IGSF21: variants seen among roughly 807,000 people sequenced by gnomAD.
IGSF21 encodes the protein immunoglobulin superfamily member 21.
In IGSF21, 28 loss-of-function variants were observed where a neutral mutation model predicts 46.8. That is an observed-to-expected ratio of 0.60 (90% CI 0.44 to 0.82). The LOEUF is 0.82. Among genes scored for constraint, IGSF21 ranks in the 40% least tolerant of loss-of-function variants. The pLI, the probability that IGSF21 is intolerant of heterozygous loss-of-function variation, is 0.00. For missense variants in IGSF21, 624 were observed against 665.5 expected (o/e 0.94, Z 0.69); for synonymous variants, 284 against 273.6 (o/e 1.04, Z -0.38).
intron 2 of IGSF21, among the ~76,000 whole-genome samples, chr1:18,275,241 G>A (rs1183924392): frequency 6.6e-6 from 1 of 152,198 alleles, no homozygotes; most frequent in Non-Finnish European, 1.5e-5. Flanking sequence ...TCTTCCCTGG[G>A]AAACCACACT....
intron 3 of IGSF21, among the ~76,000 whole-genome samples, chr1:18,332,086 G>A (rs575969786): frequency 6.6e-6 from 1 of 152,324 alleles, no homozygotes; most frequent in South Asian, 2.1e-4. Context: ...CCACCTGTGA[G>A]ATGTCACCTA....
At chr1:18,342,816 T>C (rs1381626390) in intron 4 of IGSF21, among the ~76,000 whole-genome samples, 1 of 152,240 alleles carries the variant, frequency 6.6e-6, no homozygotes, top group Non-Finnish European at 1.5e-5. Context: ...ATAGATCGCG[T>C]TTTGTTTATG....
intron 2 of IGSF21, among the ~76,000 whole-genome samples, chr1:18,282,635 T>TACACAC (rs10522294): frequency 0.046 from 6,385 of 137,574 alleles, 144 homozygotes; most frequent in African/African-American, 0.056. Context: ...TCCCCTTACA[T>TACACAC]ACACACACAC....
intron 2 of IGSF21, among the ~76,000 whole-genome samples, chr1:18,241,244 C>T (rs1020637005): frequency 6.6e-6 from 1 of 152,180 alleles, no homozygotes. Context: ...ATCAGTGATG[C>T]CTTTCCATGG....
At chr1:18,166,981 A>C (rs1428133260) in intron 1 of IGSF21, 2 of 153,326 alleles carry the variant, frequency 1.3e-5, no homozygotes, top group Non-Finnish European at 2.9e-5. Context: ...TGAAAGTGGG[A>C]GGCAGCGTGG....
intron 4 of IGSF21, among the ~76,000 whole-genome samples, chr1:18,341,071 C>G (rs2085833767): frequency 2.8e-5 from 2 of 70,478 alleles, no homozygotes; most frequent in Non-Finnish European, 6.6e-5. Context: ...TCTTCTTCTT[C>G]TTCTTCTCCT....
intron 1 of IGSF21, among the ~76,000 whole-genome samples, chr1:18,179,775 C>A (rs928707037): frequency 6.6e-6 from 1 of 152,070 alleles, no homozygotes; most frequent in African/African-American, 2.4e-5. Flanking sequence ...AGATCCCATC[C>A]TTTAGGTCCA....
chr1:18,114,851 C>G (rs1427298966), intron 1 of IGSF21: 1 of 152,214 alleles, frequency 6.6e-6, no homozygotes, highest in Admixed American at 6.5e-5. Flanking sequence ...TGCTGGACTT[C>G]ATTTAGCCAC....
chr1:18,216,240 A>C (rs1369587526), intron 1 of IGSF21, among the ~76,000 whole-genome samples: 1 of 152,090 alleles, frequency 6.6e-6, no homozygotes, highest in Non-Finnish European at 1.5e-5. Context: ...CACAGGGAAA[A>C]ATAATTGGAG....
intron 3 of IGSF21, among the ~76,000 whole-genome samples, chr1:18,331,612 A>G (rs2085714307): frequency 6.6e-6 from 1 of 152,232 alleles, no homozygotes; most frequent in African/African-American, 2.4e-5. Context: ...TTTGTCATAA[A>G]AGCAGAGAGA....
chr1:18,183,893 G>A (rs530274533), intron 1 of IGSF21, among the ~76,000 whole-genome samples: 56 of 152,248 alleles, frequency 3.7e-4, no homozygotes, highest in African/African-American at 1.2e-3. Context: ...TTGCTCAACC[G>A]AACATCCCAT....
chr1:18,129,840 G>A (rs546042154), intron 1 of IGSF21, among the ~76,000 whole-genome samples: 45 of 152,286 alleles, frequency 3.0e-4, no homozygotes, highest in African/African-American at 1.0e-3. Context: ...CTCATGGGTC[G>A]GATTGGTGCT....
At position 18,362,223 on chromosome 1, in the gene IGSF21, C is replaced by A; in HGVS notation, c.533C>A (p.Ala178Glu). The A allele has an allele frequency of 1.2e-6, 2 of 1,610,284 alleles. No individual in the cohort carries two copies. The highest frequency in any genetic ancestry group is 8.5e-7 in the Non-Finnish European group (1 of 1,178,062). Residue 178 changes from alanine (A) to glutamate (E), a missense_variant, in exon 5 of 10, where the codon GCA becomes GAA. Ala to Glu is a moderately radical substitution (Grantham distance 107). Transcript: ENST00000251296. ...LVCIVSGGKP[A>E]PMVYFKRDGE... ...TGCATCGTGTCTGGAGGAAAACCAG[C>A]ACCCATGGTGAGTACCCCTGGAGTG...
chr1:18,158,119 G>A (rs941542396), intron 1 of IGSF21, among the ~76,000 whole-genome samples: 2 of 152,142 alleles, frequency 1.3e-5, no homozygotes, highest in Non-Finnish European at 2.9e-5. Context: ...CAGACTGGGA[G>A]CTCCCTGAGG....
intron 1 of IGSF21, among the ~76,000 whole-genome samples, chr1:18,117,519 C>G (rs1214540209): frequency 6.6e-6 from 1 of 152,224 alleles, no homozygotes. Context: ...TTCAACCGCA[C>G]TTGTCACTCT....
At chr1:18,222,811 G>T (rs529719587) in intron 1 of IGSF21, among the ~76,000 whole-genome samples, 21 of 152,284 alleles carry the variant, frequency 1.4e-4, no homozygotes, top group Admixed American at 8.5e-4. Flanking sequence ...ATATTAATTG[G>T]ACCTAGAGGA....
intron 1 of IGSF21, among the ~76,000 whole-genome samples, chr1:18,195,155 C>T (rs1251953224): frequency 3.9e-5 from 6 of 152,164 alleles, no homozygotes; most frequent in South Asian, 2.1e-4. Flanking sequence ...CCGTATCACG[C>T]CCCCACTTCA....
In IGSF21 at chr1:18,335,901, C is replaced by T. The variant is rs1425971327; in HGVS notation, c.424+891C>T. 6.6e-6 allele frequency among the ~76,000 whole-genome samples: 1 copy of T among 152,186 alleles called. No individual in the cohort carries two copies. Among genetic ancestry groups the T allele is most frequent in the African/African-American group, 2.4e-5 (1 of 41,440 alleles). On this transcript the variant is annotated intron_variant, in intron 4 of 9. Transcript: ENST00000251296. This position sits in a 1 kb window ranked among gnomAD's most constrained non-coding sequence, Gnocchi z 4.8. The stretch of plus-strand genomic sequence containing the variant: ...CTGGCTTCCCGATGGAGCCACAATG[C>T]AGGAGGTGGCATTGCCAGGAAAAGC...
intron 1 of IGSF21, among the ~76,000 whole-genome samples, chr1:18,156,821 G>A (rs1232240055): frequency 2.0e-5 from 3 of 152,192 alleles, no homozygotes; most frequent in Admixed American, 6.6e-5. Flanking sequence ...AGCGGACAGT[G>A]GGACTGAAAT....
Sources: allele counts gnomAD v4.1 joint callset (sites outside exome capture counted in the v4.1 genomes callset), GRCh38; gene constraint gnomAD v4.1.1; non-coding constraint Gnocchi (gnomAD v3.1); transcripts MANE v1.5; gene names NCBI Gene and HGNC (gene_info 2026-07-23, HGNC 2026-07-21).